IL20RA: variants seen among roughly 807,000 people sequenced by gnomAD.
The protein encoded by IL20RA is interleukin-20 receptor subunit alpha.
A neutral mutation model predicts 36.5 loss-of-function variants in IL20RA; 29 were observed. The observed-to-expected ratio is 0.79, with a 90% confidence interval of 0.59 to 1.08. The LOEUF is 1.08. Among genes scored for constraint, IL20RA ranks in the 50% least tolerant of loss-of-function variants. The probability of loss-of-function intolerance (pLI) is 0.00; values close to 1 mark genes in which losing one functional copy is unlikely to be tolerated. For missense variants in IL20RA, 652 were observed against 668.4 expected, an observed-to-expected ratio of 0.98 and a Z score of 0.27; for synonymous variants, 279 against 267.1, an observed-to-expected ratio of 1.04 and a Z score of -0.43.
chr6:137,019,757 C>G (rs962520970), intron 1 of IL20RA, among the ~76,000 whole-genome samples: 1 of 152,164 alleles, frequency 6.6e-6, no homozygotes, highest in Non-Finnish European at 1.5e-5. Flanking sequence ...ATTAAACCAA[C>G]AGAATGAATA....
intron 1 of IL20RA, among the ~76,000 whole-genome samples, chr6:137,018,611 G>A (rs192572903): frequency 1.3e-5 from 2 of 151,506 alleles, no homozygotes; most frequent in East Asian, 3.9e-4. Flanking sequence ...ATTTCTTCTT[G>A]TAATTCTTTG....
At chr6:137,003,809 G>C (rs1234833976) in intron 6 of IL20RA, among the ~76,000 whole-genome samples, 1 of 152,058 alleles carries the variant, frequency 6.6e-6, no homozygotes, top group Non-Finnish European at 1.5e-5. Context: ...GAGCCTCCTT[G>C]TTTAGGGGTG....
intron 3 of IL20RA, among the ~76,000 whole-genome samples, chr6:137,010,622 G>A (rs1306338806): frequency 1.3e-5 from 2 of 152,176 alleles, no homozygotes; most frequent in African/African-American, 4.8e-5. Flanking sequence ...GTCAGCCATA[G>A]CTCAGGGGAT....
intron 1 of IL20RA, 52 bp from the exon 2 acceptor site, chr6:137,017,155 A>G (rs373373224): frequency 1.3e-6 from 2 of 1,495,180 alleles, no homozygotes; most frequent in Non-Finnish European, 1.9e-6. Context: ...AAAGGAAAAC[A>G]TGATTCCTGT....
chr6:137,012,728 A>T (rs1440011233), intron 2 of IL20RA, among the ~76,000 whole-genome samples: 2 of 152,236 alleles, frequency 1.3e-5, no homozygotes, highest in African/African-American at 4.8e-5. Context: ...ATAGCAACTA[A>T]AGAGGGATGA....
At chr6:137,006,697 G>A (rs1348207798) in intron 5 of IL20RA, among the ~76,000 whole-genome samples, 1 of 151,796 alleles carries the variant, frequency 6.6e-6, no homozygotes, top group Non-Finnish European at 1.5e-5. Flanking sequence ...ACCAGAAATA[G>A]AGCCTTATTA....
chr6:137,013,727 G>T (rs1053236147), intron 2 of IL20RA, among the ~76,000 whole-genome samples: 1 of 152,104 alleles, frequency 6.6e-6, no homozygotes, highest in Admixed American at 6.5e-5. Flanking sequence ...TCACTCAAAA[G>T]TATAAAAGTA....
At chr6:137,004,895 C>T (rs999229727) in intron 5 of IL20RA, 135 bp from the exon 6 acceptor site, 4 of 771,608 alleles carry the variant, frequency 5.2e-6, no homozygotes, top group African/African-American at 5.2e-5. Context: ...AGTTTTCTCA[C>T]CTCTACGTTG....
intron 1 of IL20RA, among the ~76,000 whole-genome samples, chr6:137,019,392 G>A (rs962266373): frequency 7.9e-5 from 12 of 151,888 alleles, no homozygotes; most frequent in Admixed American, 6.6e-5. Flanking sequence ...GCCTCCCAAA[G>A]TGCTGGGATT....
At chr6:137,041,637 A>C (rs1776696306) in intron 1 of IL20RA, among the ~76,000 whole-genome samples, 1 of 152,152 alleles carries the variant, frequency 6.6e-6, no homozygotes, top group South Asian at 2.1e-4. Flanking sequence ...TGTATCAAAG[A>C]AGAGACATTT....
chr6:137,031,308 G>A (rs1562240783), intron 1 of IL20RA, among the ~76,000 whole-genome samples: 2 of 152,220 alleles, frequency 1.3e-5, no homozygotes, highest in Non-Finnish European at 2.9e-5. Flanking sequence ...ACAATGTACA[G>A]CTGGGTGTAG....
At chr6:137,034,316 A>G (rs1259073080) in intron 1 of IL20RA, among the ~76,000 whole-genome samples, 1 of 152,238 alleles carries the variant, frequency 6.6e-6, no homozygotes, top group Non-Finnish European at 1.5e-5. Context: ...GGTAATTTAT[A>G]TATGGAATAT....
chr6:137,007,629 C>G (rs561918813), intron 5 of IL20RA, among the ~76,000 whole-genome samples: 1 of 152,290 alleles, frequency 6.6e-6, no homozygotes, highest in African/African-American at 2.4e-5. Context: ...TAAACAAATG[C>G]CAAGCTCACA....
intron 1 of IL20RA, among the ~76,000 whole-genome samples, chr6:137,025,979 T>C (rs1457763389): frequency 6.6e-6 from 1 of 152,220 alleles, no homozygotes; most frequent in Non-Finnish European, 1.5e-5. Flanking sequence ...CTGAGGCATT[T>C]AGACTTTCCC....
chr6:137,004,159 C>CGTGTTTTTTTTTTTTTTT (rs531501235), intron 6 of IL20RA, among the ~76,000 whole-genome samples: 1 of 88,016 alleles, frequency 1.1e-5, no homozygotes, highest in African/African-American at 5.6e-5. Flanking sequence ...ATCCAGAAAG[C>CGTGTTTTTTTTTTTTTTT]TTTTTTTTTT....
intron 1 of IL20RA, among the ~76,000 whole-genome samples, chr6:137,025,371 G>C (rs1471820646): frequency 6.6e-6 from 1 of 152,156 alleles, no homozygotes; most frequent in Admixed American, 6.5e-5. Flanking sequence ...CTATGAACCA[G>C]GAAGTGGGCC....
At chr6:137,003,928 T>G (rs1046808035) in intron 6 of IL20RA, among the ~76,000 whole-genome samples, 1 of 152,132 alleles carries the variant, frequency 6.6e-6, no homozygotes, top group African/African-American at 2.4e-5. Context: ...TGAGCCCCTG[T>G]GTAGGGTTTT....
chr6:137,002,824 T>C (rs1775127096), intron 6 of IL20RA, among the ~76,000 whole-genome samples: 2 of 152,210 alleles, frequency 1.3e-5, no homozygotes, highest in Non-Finnish European at 2.9e-5. Flanking sequence ...ATACTTGAAA[T>C]GCAGACAGGC....
At chr6:137,007,172 T>G (rs1179341006) in intron 5 of IL20RA, among the ~76,000 whole-genome samples, 1 of 152,258 alleles carries the variant, frequency 6.6e-6, no homozygotes, top group East Asian at 1.9e-4. Context: ...AAGGTGTTAG[T>G]AAAGAGAGCA....
Sources: allele counts gnomAD v4.1 joint callset (sites outside exome capture counted in the v4.1 genomes callset), GRCh38; gene constraint gnomAD v4.1.1; transcripts MANE v1.5; gene names NCBI Gene and HGNC (gene_info 2026-07-23, HGNC 2026-07-21).